CSMD1: variants seen among roughly 807,000 people sequenced by gnomAD.
CSMD1 encodes CUB and Sushi multiple domains 1.
In CSMD1, 213 loss-of-function variants were observed where a neutral mutation model predicts 417.5. The ratio of observed to expected loss-of-function variants is 0.51; its 90% CI spans 0.46 to 0.57. The LOEUF (loss-of-function observed/expected upper bound fraction) is 0.57, where lower values mean the gene tolerates loss of function less well. Among genes scored for constraint, CSMD1 ranks in the 20% least tolerant of loss-of-function variants. The pLI is 0.00. For missense variants in CSMD1, 6,923 were observed against 4,529.7 expected, an observed-to-expected ratio of 1.53 and a Z score of -15.17; for synonymous variants, 2,862 against 1,736.8, an observed-to-expected ratio of 1.65 and a Z score of -16.11.
intron 10 of CSMD1, among the ~76,000 whole-genome samples, chr8:3,526,201 T>G (rs1797746796): frequency 6.6e-6 from 1 of 152,160 alleles, no homozygotes; most frequent in East Asian, 1.9e-4. Context: ...TTCTCATCAA[T>G]CATAAGACTA....
chr8:3,768,890 T>C (rs1798428290), intron 5 of CSMD1, among the ~76,000 whole-genome samples: 1 of 152,210 alleles, frequency 6.6e-6, no homozygotes, highest in Non-Finnish European at 1.5e-5. Context: ...GAGCACCACT[T>C]CTTTGAAGGA....
chr8:3,527,445 A>G (rs542150597), intron 10 of CSMD1, among the ~76,000 whole-genome samples: 1 of 152,314 alleles, frequency 6.6e-6, no homozygotes, highest in South Asian at 2.1e-4. Flanking sequence ...GCTAAAGATT[A>G]CAGTCTGTGT....
intron 3 of CSMD1, among the ~76,000 whole-genome samples, chr8:4,154,936 A>G (rs1389270206): frequency 6.6e-6 from 1 of 152,190 alleles, no homozygotes; most frequent in Admixed American, 6.5e-5. Context: ...TATTGACAAT[A>G]ATACAAAATG....
chr8:3,079,918 G>A (rs939396422), intron 49 of CSMD1, among the ~76,000 whole-genome samples: 59 of 152,072 alleles, frequency 3.9e-4, no homozygotes, highest in African/African-American at 1.4e-3. Context: ...CCAGCTCTTT[G>A]CACCAGTTCC....
rs143588870 is a variant in CSMD1, at chr8:3,857,063, A to T, written c.819-103021T>A. Among the ~76,000 whole-genome samples the T allele has an allele frequency of 3.7e-3, 560 of 152,096 alleles. 3 individuals are homozygous for T. Among genetic ancestry groups the T allele is most frequent in the African/African-American group, 7.4e-3 (306 of 41,480 alleles). On this transcript the variant is annotated intron_variant, in intron 5 of 69. Transcript: ENST00000635120. ...AGGGCTTCTTGTATATCCCACACTTACTTCAGGAAAAAAAAAATTAAAAAT... is the reference window on the plus strand; with the variant it reads ...AGGGCTTCTTGTATATCCCACACTTTCTTCAGGAAAAAAAAAATTAAAAAT...
intron 51 of CSMD1, among the ~76,000 whole-genome samples, chr8:3,025,266 C>G (rs372853247): frequency 6.8e-6 from 1 of 147,210 alleles, no homozygotes. Context: ...TATTCTGAAA[C>G]TGTGTATTGT....
chr8:3,538,246 G>T (rs1383295966), intron 10 of CSMD1, among the ~76,000 whole-genome samples: 1 of 152,214 alleles, frequency 6.6e-6, no homozygotes, highest in Non-Finnish European at 1.5e-5. Flanking sequence ...GCACACCTGA[G>T]ATGCCTCACC....
rs995191316 is a variant in CSMD1, at chr8:3,682,786, C to G, written c.1009+25628G>C. ...TATTCACAATAGCAAAGACTTGGAT[C>G]CAACCTAAATGTCCAACAATGACAG... is the stretch of plus-strand genomic sequence containing the variant. On this transcript the variant is annotated intron_variant, in intron 7 of 69. Coordinates refer to ENST00000635120, the MANE Select transcript of CSMD1 (RefSeq NM_033225.6). Among the ~76,000 whole-genome samples the G allele has an allele frequency of 5.9e-5, 9 of 152,266 alleles. No homozygotes were observed. The East Asian group carries it at 1.5e-3, about 26-fold the overall frequency.
At chr8:4,011,201 T>C (rs1207323710) in intron 4 of CSMD1, among the ~76,000 whole-genome samples, 1 of 152,198 alleles carries the variant, frequency 6.6e-6, no homozygotes, top group Non-Finnish European at 1.5e-5. Flanking sequence ...TGGGTACACC[T>C]GTTTGTGTTC....
At chr8:3,739,122 T>C (rs1205333997) in intron 6 of CSMD1, among the ~76,000 whole-genome samples, 1 of 150,986 alleles carries the variant, frequency 6.6e-6, no homozygotes, top group African/African-American at 2.4e-5. Context: ...ACATTTTATT[T>C]AGATCAGAGT....
intron 10 of CSMD1, among the ~76,000 whole-genome samples, chr8:3,509,774 G>C (rs772126424): frequency 6.6e-6 from 1 of 152,188 alleles, no homozygotes; most frequent in Non-Finnish European, 1.5e-5. Context: ...GGGTCTGCTT[G>C]ATGCCTTCTG....
At chr8:4,803,749 T>A (rs1000307620) in intron 1 of CSMD1, among the ~76,000 whole-genome samples, 2 of 152,216 alleles carry the variant, frequency 1.3e-5, no homozygotes, top group Non-Finnish European at 2.9e-5. Context: ...TAATATAATT[T>A]TTTTCAAAGA....
chr8:3,432,688 G>T (rs888952990), intron 12 of CSMD1, among the ~76,000 whole-genome samples: 1 of 151,932 alleles, frequency 6.6e-6, no homozygotes, highest in South Asian at 2.1e-4. Flanking sequence ...GCTAATTTTT[G>T]TATTTTTAGT....
intron 3 of CSMD1, among the ~76,000 whole-genome samples, chr8:4,372,624 G>A (rs1475029764): frequency 2.8e-5 from 3 of 108,416 alleles, no homozygotes; most frequent in Non-Finnish European, 5.7e-5. Context: ...AGAAAGTAAG[G>A]AAGTGTTAAA....
rs1305904740 is a variant in CSMD1 at position 3,615,750 on chromosome 8, AC to A, written c.1097+959del. ...CACTTCAGCAGCCTTAGCTCTGTGA[AC>A]CTTTTTTTGGATTTTTTTCAAAAAT... On this transcript the variant is annotated intron_variant, in intron 8 of 69. Coordinates refer to ENST00000635120, the MANE Select transcript of CSMD1 (RefSeq NM_033225.6). 4.6e-5 allele frequency among the ~76,000 whole-genome samples: 7 copies of A among 152,238 alleles called. No homozygotes were observed. The East Asian group carries it at 1.4e-3, about 29-fold the overall frequency.
chr8:4,305,622 G>A (rs927146342), intron 3 of CSMD1, among the ~76,000 whole-genome samples: 10 of 152,178 alleles, frequency 6.6e-5, no homozygotes, highest in East Asian at 1.9e-4. Context: ...ACGTAAGACC[G>A]TTTTAGCTGA....
chr8:3,405,791 T>G (rs918326841), intron 15 of CSMD1, among the ~76,000 whole-genome samples: 1 of 152,192 alleles, frequency 6.6e-6, no homozygotes, highest in Non-Finnish European at 1.5e-5. Context: ...AGGACCAGCC[T>G]GAGGCAGATC....
At chr8:4,696,020 G>C (rs1652984620) in intron 1 of CSMD1, among the ~76,000 whole-genome samples, 1 of 152,216 alleles carries the variant, frequency 6.6e-6, no homozygotes, top group South Asian at 2.1e-4. Context: ...CATTAGTCAG[G>C]AGACTTTGAG....
intron 3 of CSMD1, among the ~76,000 whole-genome samples, chr8:4,296,934 G>A (rs953153078): frequency 3.9e-5 from 6 of 151,908 alleles, no homozygotes; most frequent in African/African-American, 1.5e-4. Flanking sequence ...GATGGACAAT[G>A]GTACACAAAT....
Sources: gnomAD v4.1 joint callset for allele counts (sites outside exome capture counted in the v4.1 genomes callset) on GRCh38, gnomAD v4.1.1 for gene constraint, MANE v1.5 for transcripts, NCBI Gene and HGNC (gene_info 2026-07-23, HGNC 2026-07-21) for gene names.